Variants in BRAT1 observed in about 807,000 individuals in gnomAD.
BRAT1 encodes the protein integrator complex assembly factor BRAT1.
Under a neutral mutation model 70.6 loss-of-function variants are expected in BRAT1, and 74 were observed. The ratio of observed to expected loss-of-function variants is 1.05; its 90% CI spans 0.87 to 1.27. The LOEUF (loss-of-function observed/expected upper bound fraction) is 1.27. Ranked by LOEUF, BRAT1 falls within the 50% of genes most tolerant of loss-of-function variation. BRAT1 has a pLI of 0.00. For missense variants in BRAT1, 1,203 were observed against 1,098.2 expected, an observed-to-expected ratio of 1.10 and a Z score of -1.35; for synonymous variants, 615 against 517.1, an observed-to-expected ratio of 1.19 and a Z score of -2.57.
chr7:2,547,576 T>G, intron 2 of BRAT1, 98 bp from the exon 3 acceptor site: 1 of 1,359,524 alleles, frequency 7.4e-7, no homozygotes, highest in Middle Eastern at 2.6e-4. Flanking sequence ...ACCCTTTTCT[T>G]GCAGGGTGTT....
intron 2 of BRAT1, 131 bp downstream of exon 2, chr7:2,554,174 G>C: frequency 7.8e-7 from 1 of 1,276,110 alleles, no homozygotes; most frequent in Non-Finnish European, 1.1e-6. Flanking sequence ...AGGAAGTGAA[G>C]GAAAGACATC....
intron 3 of BRAT1, 128 bp from the exon 4 acceptor site, chr7:2,545,184 T>C (rs1779510857): frequency 9.6e-7 from 1 of 1,046,560 alleles, no homozygotes; most frequent in African/African-American, 1.7e-5. Flanking sequence ...ACCAACATGG[T>C]GAAACCCCAT....
At chr7:2,548,878 C>A (rs1379529229) in intron 2 of BRAT1, among the ~76,000 whole-genome samples, 1 of 151,518 alleles carries the variant, frequency 6.6e-6, no homozygotes, top group Non-Finnish European at 1.5e-5. Context: ...GGCAGGAGAA[C>A]TGCTTGAACT....
intron 3 of BRAT1, among the ~76,000 whole-genome samples, chr7:2,546,926 C>A (rs879899474): frequency 3.9e-5 from 6 of 152,018 alleles, no homozygotes; most frequent in Non-Finnish European, 7.4e-5. Context: ...TGTCTCCGTC[C>A]CAGGAAGAGA....
chr7:2,549,862 T>G (rs1779871281), intron 2 of BRAT1, among the ~76,000 whole-genome samples: 1 of 152,202 alleles, frequency 6.6e-6, no homozygotes, highest in African/African-American at 2.4e-5. Context: ...CAAAAAGCAG[T>G]ATTCATGCAG....
At chr7:2,541,162 C>T in intron 9 of BRAT1, 110 bp from the exon 10 acceptor site, 1 of 1,428,404 alleles carries the variant, frequency 7.0e-7, no homozygotes, top group Admixed American at 2.8e-5. Flanking sequence ...AAACCTCCTG[C>T]ACGGCCCCTG....
intron 7 of BRAT1, 91 bp from the exon 8 acceptor site, chr7:2,541,927 G>C (rs1779203949): frequency 1.2e-5 from 17 of 1,408,400 alleles, no homozygotes; most frequent in Non-Finnish European, 7.9e-6. Context: ...CACAGCACAG[G>C]CCAGGACCTA....
intron 10 of BRAT1, 90 bp from the exon 11 acceptor site, chr7:2,539,978 A>G (rs1779021317): frequency 3.3e-6 from 3 of 908,038 alleles, no homozygotes; most frequent in East Asian, 5.7e-5. Context: ...TGCTGCCCGT[A>G]CTCCAGGGAC....
Position 2,543,310 on chromosome 7 carries a change from T to C in BRAT1, c.817A>G (p.Ser273Gly). Residue 273 changes from serine (S) to glycine (G), a missense_variant, in exon 6 of 14, where the codon AGT (serine) becomes GGT (glycine). Physicochemically the swap from Ser to Gly is moderately conservative, Grantham distance 56. Coordinates refer to ENST00000340611, the MANE Select transcript of BRAT1 (RefSeq NM_152743.4). The surrounding 1 kb of genome is among the most constrained non-coding windows in gnomAD (Gnocchi z 5.5). The stretch of plus-strand genomic sequence containing the variant: ...TCCCACAGGCTGCCGTCGGAAGAAC[T>C]GAACACGGGAGAACTGCAGGGAGAC... ...LLCVARSPVFSSSDGSLWETV... is the reference protein window; with the variant it reads ...LLCVARSPVFGSSDGSLWETV... 2 of 1,604,450 alleles carry C rather than the reference T, an allele frequency of 1.2e-6. No homozygotes were observed. Among genetic ancestry groups the C allele is most frequent in the Non-Finnish European group, 1.7e-6 (2 of 1,174,924 alleles).
At chr7:2,539,051 G>A in intron 13 of BRAT1, 128 bp downstream of exon 13, 5 of 1,458,306 alleles carry the variant, frequency 3.4e-6, no homozygotes, top group Non-Finnish European at 4.5e-6. Context: ...GGCAGTCACT[G>A]CTGCAGGCGC....
At chr7:2,539,007 A>T in intron 13 of BRAT1, 172 bp downstream of exon 13, 1 of 1,434,710 alleles carries the variant, frequency 7.0e-7, no homozygotes, top group Non-Finnish European at 9.1e-7. Context: ...GGCGAAGCGC[A>T]CAGGTCCCAC....
At position 2,541,432 on chromosome 7, in the gene BRAT1, G is replaced by A. The variant is rs1779154524; in HGVS notation, c.1187C>T (p.Thr396Ile). ...CGAGCCGTCACAGAGCCGCAGGACA[G>A]TCACTGTAGCCCCCAGTAGAGACGC... ...PQASLLGATVTVLRLCDGSAA... is the reference protein window; with the variant it reads ...PQASLLGATVIVLRLCDGSAA... Residue 396 changes from threonine (T) to isoleucine (I), a missense_variant, in exon 9 of 14, where the codon ACT (threonine) becomes ATT (isoleucine). Thr to Ile is a moderately conservative substitution (Grantham distance 89). Coordinates refer to ENST00000340611, the MANE Select transcript of BRAT1 (RefSeq NM_152743.4). The A allele has an allele frequency of 6.3e-7, 1 of 1,582,100 alleles. No individual in the cohort carries two copies. Among genetic ancestry groups the A allele is most frequent in the African/African-American group, 1.3e-5 (1 of 74,458 alleles).
Position 2,542,392 on chromosome 7 carries a change from C to G in BRAT1, c.924-181G>C, listed in dbSNP as rs970103062. 5 of 617,806 alleles carry G rather than the reference C, an allele frequency of 8.1e-6. No homozygotes were observed. The East Asian group carries it at 1.1e-4, about 14-fold the overall frequency. 38.3% of individuals were successfully genotyped at this position (617,806 alleles called of 1,614,324 possible). On this transcript the variant is annotated intron_variant, in intron 6 of 13. Transcript: ENST00000340611. The stretch of plus-strand genomic sequence containing the variant: ...GGACAGAGTGGCGGGGAGGACAGGC[C>G]TGACCAAGGAGATGGGCCTGACACT...
chr7:2,543,974 A>T lies in BRAT1; in HGVS notation c.431-12T>A. On this transcript the variant is annotated splice_polypyrimidine_tract_variant and intron_variant, in intron 4 of 13. Transcript: ENST00000340611. The surrounding 1 kb of genome is among the most constrained non-coding windows in gnomAD (Gnocchi z 5.5). ...GGTGTCGACCGCACCTGGGTAGGGG[A>T]TGGGGGAAGAGAGGGAAAAGGGGGT... 2 of 1,542,768 alleles carry T rather than the reference A, an allele frequency of 1.3e-6. No homozygotes were observed. Among genetic ancestry groups the T allele is most frequent in the South Asian group, 1.2e-5 (1 of 82,978 alleles).
intron 6 of BRAT1, chr7:2,542,800 T>C: frequency 5.8e-6 from 1 of 173,096 alleles, no homozygotes; most frequent in Non-Finnish European, 1.3e-5. Context: ...CCACCTGTCC[T>C]GACCCCAGGC....
rs371711348 is a variant in BRAT1, at chr7:2,543,305, A to G, written c.822T>C (p.Ser274=). The G allele has an allele frequency of 8.1e-6, 13 of 1,607,130 alleles. No homozygotes were observed. The African/African-American group carries it at 1.2e-4, about 15-fold the overall frequency. Residue 274 remains serine (S), a synonymous_variant, in exon 6 of 14, where the codon TCT becomes TCC. Transcript: ENST00000340611. The surrounding 1 kb of genome is among the most constrained non-coding windows in gnomAD (Gnocchi z 5.5). ...LCVARSPVFS[S]SDGSLWETVA... ...CTGTCTCCCACAGGCTGCCGTCGGA[A>G]GAACTGAACACGGGAGAACTGCAGG...
rs765157563 is a variant in BRAT1 at position 2,539,776 on chromosome 7, G to A, written c.1498+10C>T. On this transcript the variant is annotated intron_variant, in intron 11 of 13. Coordinates refer to ENST00000340611, the MANE Select transcript of BRAT1 (RefSeq NM_152743.4). ...CCAGCTCCGTTCACCCCTGCAAGGG[G>A]CTGCGTTACCTCTGAGGAACTGCGG... 15 of 1,607,206 alleles carry A rather than the reference G, an allele frequency of 9.3e-6. No homozygotes were observed. Among genetic ancestry groups the A allele is most frequent in the Non-Finnish European group, 1.3e-5 (15 of 1,176,940 alleles).
At chr7:2,549,979 G>A (rs11766591) in intron 2 of BRAT1, among the ~76,000 whole-genome samples, 23,107 of 151,516 alleles carry the variant, frequency 0.15, 2,272 homozygotes, top group Non-Finnish European at 0.21. Flanking sequence ...TGGGCAACGT[G>A]GTGAAACCCC....
At chr7:2,539,459 A>G in intron 12 of BRAT1, 85 bp downstream of exon 12, 1 of 1,497,802 alleles carries the variant, frequency 6.7e-7, no homozygotes, top group Admixed American at 2.1e-5. Context: ...AAGTTTCTAG[A>G]GCCAGCAAGA....
Sources: allele counts gnomAD v4.1 joint callset (sites outside exome capture counted in the v4.1 genomes callset), GRCh38; gene constraint gnomAD v4.1.1; non-coding constraint Gnocchi (gnomAD v3.1); transcripts MANE v1.5; gene names NCBI Gene and HGNC (gene_info 2026-07-23, HGNC 2026-07-21).